The following GREB1 variants were observed in gnomAD, a reference collection of about 807,000 sequenced individuals.
GREB1 encodes protein GREB1.
In GREB1, 106 loss-of-function variants were observed where a neutral mutation model predicts 200.7. The observed-to-expected ratio is 0.53, with a 90% CI of 0.45 to 0.62. The LOEUF is 0.62. Among genes scored for constraint, GREB1 ranks in the 20% least tolerant of loss-of-function variants. The pLI, the probability that GREB1 is intolerant of heterozygous loss-of-function variation, is 0.00. For missense variants in GREB1, 2,243 were observed against 2,556.8 expected, an observed-to-expected ratio of 0.88 and a Z score of 2.65; for synonymous variants, 1,132 against 1,092.4, an observed-to-expected ratio of 1.04 and a Z score of -0.72.
chr2:11,640,224 G>A lies in GREB1; in HGVS notation c.5687-67G>A, dbSNP rs1451924243. ...TGTCTTGTCATTGCAAGTAGAATCC[G>A]GGCAGCCGCTTTCCTCTGGATAAAC... On this transcript the variant is annotated intron_variant, in intron 32 of 32. Transcript: ENST00000381486. This position sits in a 1 kb window ranked among gnomAD's most constrained non-coding sequence, Gnocchi z 4.6. 7 of 1,491,790 alleles carry A rather than the reference G, an allele frequency of 4.7e-6. No homozygotes were observed. Among genetic ancestry groups the A allele is most frequent in the South Asian group, 2.5e-5 (2 of 79,216 alleles). The allele number at this position is 1,491,790 out of a possible 1,614,324, so 92.4% of individuals were successfully genotyped here.
chr2:11,529,362 A>ACTAG (rs1365684090), upstream of GREB1, among the ~76,000 whole-genome samples: 2 of 152,368 alleles, frequency 1.3e-5, no homozygotes, highest in Non-Finnish European at 2.9e-5. Context: ...GCTCAACTTC[A>ACTAG]CTAGTAACAA....
At position 11,627,117 on chromosome 2, in the gene GREB1, A is replaced by G. The variant is rs1684527857; in HGVS notation, c.4449+13A>G. 6.4e-7 allele frequency: 1 copy of G among 1,568,952 alleles called. No homozygotes were observed. The highest frequency in any genetic ancestry group is 1.4e-5 in the African/African-American group (1 of 73,542). ...CCCCCGCTACCAGGTAGGCCCCAGC[A>G]GTTCCCCACCAGGCATTTCACCTTG... On this transcript the variant is annotated intron_variant, in intron 25 of 32. Transcript: ENST00000381486.
Position 11,587,412 on chromosome 2 carries a change from C to T in GREB1, c.1160-1334C>T, listed in dbSNP as rs190382606. The T allele has an allele frequency of 2.2e-5, 36 of 1,613,900 alleles. No individual in the cohort carries two copies. In the East Asian group the frequency reaches 5.3e-4, roughly 24 times the overall value. ...GTAAATGGTGCTACCCAAATGGTAG[C>T]CCTTGGTCCGGCAGAACCTGCATCG... On this transcript the variant is annotated intron_variant, in intron 9 of 32. Coordinates refer to ENST00000381486, the MANE Select transcript of GREB1 (RefSeq NM_014668.4).
intron 1 of GREB1, among the ~76,000 whole-genome samples, chr2:11,502,950 A>C (rs1216631848): frequency 6.6e-6 from 1 of 152,150 alleles, no homozygotes; most frequent in East Asian, 1.9e-4. Context: ...ATTCATACGA[A>C]GTCCATCCGA....
rs200844796 is a variant in GREB1, at chr2:11,618,939, C to T, written c.4044+20C>T. On this transcript the variant is annotated intron_variant, in intron 22 of 32. Coordinates refer to ENST00000381486, the MANE Select transcript of GREB1 (RefSeq NM_014668.4). ...CCTCAGGTGAGTGTTGCTCGCTGCCCCAGCACAGCCCCGGACTGGGGGGGT... is the reference window on the plus strand; with the variant it reads ...CCTCAGGTGAGTGTTGCTCGCTGCCTCAGCACAGCCCCGGACTGGGGGGGT... 1.5e-5 allele frequency: 22 copies of T among 1,471,708 alleles called. No homozygotes were observed. Among genetic ancestry groups the T allele is most frequent in the Admixed American group, 2.3e-5 (1 of 42,842 alleles). The allele number at this position is 1,471,708 out of a possible 1,614,324, so 91.2% of individuals were successfully genotyped here.
At chr2:11,639,373 G>A (rs900513815) in intron 32 of GREB1, among the ~76,000 whole-genome samples, 3 of 152,218 alleles carry the variant, frequency 2.0e-5, no homozygotes, top group African/African-American at 7.2e-5. Context: ...ACCGGCGTGA[G>A]CCACCGCACC....
chr2:11,590,088 A>G (rs1680579664), intron 10 of GREB1, among the ~76,000 whole-genome samples: 2 of 152,136 alleles, frequency 1.3e-5, no homozygotes, highest in South Asian at 2.1e-4. Flanking sequence ...GGGACCTCCA[A>G]TCTTCAGAGA....
chr2:11,620,221 C>G (rs1410526343), intron 22 of GREB1, among the ~76,000 whole-genome samples: 1 of 152,070 alleles, frequency 6.6e-6, no homozygotes, highest in Non-Finnish European at 1.5e-5. Flanking sequence ...GTGATCCGCC[C>G]GCCTCAGCCT....
At chr2:11,490,515 A>G (rs927855821) in intron 1 of GREB1, among the ~76,000 whole-genome samples, 1 of 152,116 alleles carries the variant, frequency 6.6e-6, no homozygotes, top group South Asian at 2.1e-4. Flanking sequence ...GCTTGTAGGA[A>G]TCTTCATAAA....
chr2:11,602,629 G>A (rs1572884930), intron 17 of GREB1, 87 bp downstream of exon 17: 3 of 1,163,492 alleles, frequency 2.6e-6, no homozygotes, highest in Non-Finnish European at 3.8e-6. Flanking sequence ...GGAATTCCAG[G>A]AAGGGAGGCC....
intron 22 of GREB1, among the ~76,000 whole-genome samples, chr2:11,620,178 T>C (rs1251210302): frequency 6.6e-6 from 1 of 152,264 alleles, no homozygotes; most frequent in East Asian, 1.9e-4. Context: ...GGTTTCACCA[T>C]GTTGGCCAGG....
intron 22 of GREB1, among the ~76,000 whole-genome samples, chr2:11,620,612 T>G (rs965963026): frequency 6.6e-6 from 1 of 152,216 alleles, no homozygotes; most frequent in African/African-American, 2.4e-5. Context: ...TGAAGCAGCT[T>G]GCTTTGGCTT....
chr2:11,550,337 A>G (rs1484228592), intron 1 of GREB1, among the ~76,000 whole-genome samples: 1 of 152,238 alleles, frequency 6.6e-6, no homozygotes, highest in African/African-American at 2.4e-5. Flanking sequence ...ATATCTGTCC[A>G]TCCTTAAGCA....
At chr2:11,542,082 G>T in intron 1 of GREB1, among the ~76,000 whole-genome samples, 1 of 152,020 alleles carries the variant, frequency 6.6e-6, no homozygotes, top group East Asian at 1.9e-4. Flanking sequence ...CCTGTGTCTC[G>T]GTGAGGTTCT....
At chr2:11,614,757 G>A (rs1232361655) in intron 19 of GREB1, among the ~76,000 whole-genome samples, 1 of 152,066 alleles carries the variant, frequency 6.6e-6, no homozygotes, top group Non-Finnish European at 1.5e-5. Flanking sequence ...TAGAGACGGG[G>A]TTTCACCGTG....
intron 29 of GREB1, 48 bp from the exon 30 acceptor site, chr2:11,635,222 G>A (rs1685212654): frequency 6.2e-7 from 1 of 1,611,564 alleles, no homozygotes; most frequent in African/African-American, 1.3e-5. Context: ...GTGACGGAGG[G>A]TGTGAGCTGT....
At position 11,612,533 on chromosome 2, in the gene GREB1, GACTT is replaced by G; in HGVS notation, c.3050_3053del (p.Tyr1017TrpfsTer10). 6.2e-7 allele frequency: 1 copy of G among 1,613,036 alleles called. No homozygotes were observed. The highest frequency in any genetic ancestry group is 8.5e-7 in the Non-Finnish European group (1 of 1,179,640). On this transcript the variant is annotated frameshift_variant, in exon 19 of 33. Transcript: ENST00000381486. LOFTEE classifies it high-confidence loss of function. Reference sequence around the variant, plus strand: ...TTGAGGATGTGGAGTGGAGACCCCAGACTTACTTGGAGCTGGAGGGTCTGCCTTG... The same window carrying G: ...TTGAGGATGTGGAGTGGAGACCCCAGACTTGGAGCTGGAGGGTCTGCCTTG...
chr2:11,530,898 G>A (rs140314087), upstream of GREB1, among the ~76,000 whole-genome samples: 20 of 152,266 alleles, frequency 1.3e-4, no homozygotes, highest in East Asian at 3.9e-3. Flanking sequence ...TAGGATCTGA[G>A]GCTGGCCAGG....
chr2:11,514,285 A>G (rs942960099), intron 1 of GREB1, among the ~76,000 whole-genome samples: 1 of 152,230 alleles, frequency 6.6e-6, no homozygotes, highest in Admixed American at 6.5e-5. Context: ...ACGTATTACC[A>G]TGTTACCTAC....
Sources: allele counts gnomAD v4.1 joint callset (sites outside exome capture counted in the v4.1 genomes callset), GRCh38; gene constraint gnomAD v4.1.1; non-coding constraint Gnocchi (gnomAD v3.1); transcripts MANE v1.5; gene names NCBI Gene and HGNC (gene_info 2026-07-23, HGNC 2026-07-21).